The following SLC4A10 variants were observed in gnomAD, a reference collection of about 807,000 sequenced individuals.
SLC4A10 encodes the protein sodium-driven chloride bicarbonate exchanger.
In SLC4A10, 42 loss-of-function variants were observed where a neutral mutation model predicts 137.7. The ratio of observed to expected loss-of-function variants is 0.30; its 90% confidence interval spans 0.24 to 0.39. The LOEUF is 0.39. Among genes scored for constraint, SLC4A10 ranks in the 10% least tolerant of loss-of-function variants. The pLI, the probability that SLC4A10 is intolerant of heterozygous loss-of-function variation, is 1.00. For missense variants in SLC4A10, 925 were observed against 1,355.0 expected, an observed-to-expected ratio of 0.68 and a Z score of 4.98; for synonymous variants, 474 against 464.1, an observed-to-expected ratio of 1.02 and a Z score of -0.27.
chr2:161,953,911 A>T (rs972503245), intron 19 of SLC4A10, among the ~76,000 whole-genome samples: 2 of 152,220 alleles, frequency 1.3e-5, no homozygotes, highest in Non-Finnish European at 2.9e-5. Flanking sequence ...AAGTTAACTG[A>T]ATCCTTTTGA....
chr2:161,660,660 C>CCTTCTTTCTTTCTTTCTTTCTTT (rs1558970109), intron 1 of SLC4A10, among the ~76,000 whole-genome samples: 1 of 93,482 alleles, frequency 1.1e-5, no homozygotes, highest in South Asian at 3.4e-4. Context: ...TTCTTTCTTT[C>CCTTCTTTCTTTCTTTCTTTCTTT]CTTTTTTTTT....
chr2:161,980,579 G>A (rs980125863), intron 26 of SLC4A10, among the ~76,000 whole-genome samples: 2 of 152,092 alleles, frequency 1.3e-5, no homozygotes, highest in African/African-American at 2.4e-5. Flanking sequence ...AACCTGCGAC[G>A]TGGAGGTTGC....
chr2:161,650,840 A>G (rs980670216), intron 1 of SLC4A10, among the ~76,000 whole-genome samples: 2 of 152,166 alleles, frequency 1.3e-5, no homozygotes, highest in Non-Finnish European at 2.9e-5. Context: ...GCATGGGCCT[A>G]CAGGTGTACC....
intron 21 of SLC4A10, among the ~76,000 whole-genome samples, chr2:161,963,513 A>G (rs1575876140): frequency 6.6e-6 from 1 of 152,198 alleles, no homozygotes; most frequent in African/African-American, 2.4e-5. Context: ...TTTATGGTTA[A>G]GATGTTTGTG....
At position 161,965,040 on chromosome 2, in the gene SLC4A10, A is replaced by G. The variant is rs566199265; in HGVS notation, c.3037-11A>G. 47 of 1,606,764 alleles carry G rather than the reference A, an allele frequency of 2.9e-5. No individual in the cohort carries two copies. Among genetic ancestry groups the G allele is most frequent in the South Asian group, 2.4e-4 (21 of 89,208 alleles). On this transcript the variant is annotated splice_polypyrimidine_tract_variant and intron_variant, in intron 22 of 26. Transcript: ENST00000446997. ...TTTTTCCACTTTAAACTAGTTTATT[A>G]TTTACTTCAGGTGTTAGCCCTGGTA... is the stretch of plus-strand genomic sequence containing the variant.
intron 1 of SLC4A10, among the ~76,000 whole-genome samples, chr2:161,634,088 A>G (rs1329992659): frequency 6.6e-6 from 1 of 151,820 alleles, no homozygotes; most frequent in African/African-American, 2.4e-5. Context: ...CTGTTCTAGG[A>G]TACAATTCAG....
chr2:161,629,740 C>CT (rs2033164862), intron 1 of SLC4A10, among the ~76,000 whole-genome samples: 1 of 151,834 alleles, frequency 6.6e-6, no homozygotes, highest in Non-Finnish European at 1.5e-5. Flanking sequence ...TAACCACTGA[C>CT]TTTTTTACTT....
intron 15 of SLC4A10, among the ~76,000 whole-genome samples, chr2:161,930,845 G>A (rs774676230): frequency 9.9e-5 from 15 of 152,166 alleles, no homozygotes; most frequent in East Asian, 5.8e-4. Context: ...TTCCAGCAAA[G>A]TTGACAAAGT....
intron 4 of SLC4A10, among the ~76,000 whole-genome samples, chr2:161,845,407 T>C (rs564754288): frequency 1.3e-5 from 2 of 152,080 alleles, no homozygotes; most frequent in Non-Finnish European, 2.9e-5. Flanking sequence ...GAAAGTACCT[T>C]CTGCCTCCTC....
intron 10 of SLC4A10, among the ~76,000 whole-genome samples, chr2:161,889,389 T>G (rs745750521): frequency 5.9e-5 from 9 of 152,206 alleles, no homozygotes; most frequent in Non-Finnish European, 1.0e-4. Flanking sequence ...CTGGTAGAAT[T>G]CGGCTATGAA....
chr2:161,937,401 C>A (rs147951530), intron 15 of SLC4A10, among the ~76,000 whole-genome samples: 4 of 152,232 alleles, frequency 2.6e-5, no homozygotes, highest in Non-Finnish European at 5.9e-5. Flanking sequence ...TCTTCCTCCA[C>A]CCCTTCTGTT....
rs376129788 is a variant in SLC4A10, at chr2:161,841,479, A to G, written c.416+1552A>G. ...AAGCATATTTATTAGTGGTCCTCAG[A>G]TTGCAATTGCTGTCTGAAAGCCACA... On this transcript the variant is annotated intron_variant, in intron 4 of 26. Transcript: ENST00000446997. Among the ~76,000 whole-genome samples, 5 of 152,328 alleles carry G rather than the reference A, an allele frequency of 3.3e-5. No individual in the cohort carries two copies. The South Asian group carries it at 6.2e-4, about 19-fold the overall frequency.
chr2:161,895,224 C>G (rs1266996584), intron 11 of SLC4A10, among the ~76,000 whole-genome samples: 3 of 152,028 alleles, frequency 2.0e-5, no homozygotes, highest in African/African-American at 7.3e-5. Flanking sequence ...TCATCCATGT[C>G]CCTACAAAGG....
intron 2 of SLC4A10, among the ~76,000 whole-genome samples, chr2:161,803,730 G>C (rs2055617062): frequency 6.6e-6 from 1 of 152,028 alleles, no homozygotes; most frequent in South Asian, 2.1e-4. Context: ...CACTTTATCT[G>C]TAGAGGATAC....
At chr2:161,839,154 C>T (rs2059010417) in intron 3 of SLC4A10, among the ~76,000 whole-genome samples, 1 of 152,200 alleles carries the variant, frequency 6.6e-6, no homozygotes, top group Admixed American at 6.5e-5. Flanking sequence ...TACTAATACA[C>T]ACAATGACAG....
At chr2:161,745,281 A>G (rs2048285768) in intron 1 of SLC4A10, among the ~76,000 whole-genome samples, 1 of 151,998 alleles carries the variant, frequency 6.6e-6, no homozygotes, top group African/African-American at 2.4e-5. Flanking sequence ...CTGATTGTGT[A>G]TTTACAAATA....
intron 1 of SLC4A10, among the ~76,000 whole-genome samples, chr2:161,733,123 A>G (rs115581994): frequency 0.019 from 2,840 of 152,348 alleles, 58 homozygotes; most frequent in African/African-American, 0.054. Context: ...AGCAGGCTGC[A>G]TAAATTTGCA....
At chr2:161,770,210 T>C (rs921313800) in intron 1 of SLC4A10, among the ~76,000 whole-genome samples, 9 of 151,918 alleles carry the variant, frequency 5.9e-5, no homozygotes, top group African/African-American at 1.9e-4. Flanking sequence ...GTTTACATTT[T>C]ATTTCTTTCA....
At chr2:161,838,076 T>A (rs1278606274) in intron 3 of SLC4A10, among the ~76,000 whole-genome samples, 1 of 152,210 alleles carries the variant, frequency 6.6e-6, no homozygotes, top group Admixed American at 6.5e-5. Context: ...TATGGTACTT[T>A]GTTATAGTAT....
Sources: allele counts gnomAD v4.1 joint callset (sites outside exome capture counted in the v4.1 genomes callset), GRCh38; gene constraint gnomAD v4.1.1; transcripts MANE v1.5; gene names NCBI Gene and HGNC (gene_info 2026-07-23, HGNC 2026-07-21).